The following TJP2 variants were observed in gnomAD, a reference collection of about 807,000 sequenced individuals.
The protein encoded by TJP2 is tight junction protein 2.
TJP2 carries 91 observed loss-of-function variants against 133.1 expected under a neutral mutation model. The ratio of observed to expected loss-of-function variants is 0.68; its 90% CI spans 0.58 to 0.81. TJP2 has a LOEUF of 0.81. Ranked by LOEUF, TJP2 falls within the 40% of genes least tolerant of loss-of-function variation. TJP2 has a pLI of 0.00. For missense variants in TJP2, 1,541 were observed against 1,565.6 expected (o/e 0.98, Z 0.26); for synonymous variants, 592 against 583.4 (o/e 1.01, Z -0.21).
At chr9:69,167,069 C>T (rs1037359391) in intron 2 of TJP2, among the ~76,000 whole-genome samples, 78 of 150,580 alleles carry the variant, frequency 5.2e-4, no homozygotes, top group African/African-American at 1.7e-3. Flanking sequence ...CCCGTCTCTA[C>T]GAAAAAAAAA....
rs765987734 is a variant in TJP2, at chr9:69,254,337, A to C, written c.3536A>C (p.Tyr1179Ser). The C allele has an allele frequency of 8.7e-6, 14 of 1,614,120 alleles. No homozygotes were observed. In the Admixed American group the frequency reaches 2.3e-4, roughly 27 times the overall value. ...QLSEHSKRGY[Y>S]GQSARYRDTE... ...TCAGAACACTCCAAGCGCGGTTACT[A>C]TGGCCAGTCTGCCCGATACCGGGAC... is the stretch of plus-strand genomic sequence containing the variant. Residue 1179 changes from tyrosine (Y) to serine (S), a missense_variant, in exon 23 of 23, where the codon TAT (tyrosine) becomes TCT (serine). Physicochemically the swap from Tyr to Ser is moderately radical, Grantham distance 144. Coordinates refer to ENST00000377245, the MANE Select transcript of TJP2 (RefSeq NM_004817.4).
chr9:69,223,112 C>T (rs1829034378), intron 5 of TJP2, among the ~76,000 whole-genome samples: 1 of 147,316 alleles, frequency 6.8e-6, no homozygotes, highest in Admixed American at 6.8e-5. Flanking sequence ...GGTGGGCCCT[C>T]AGAGTCTCTA....
chr9:69,203,607 A>ATTTTTTTTTTT lies in TJP2; in HGVS notation c.61-8927_61-8917dup, dbSNP rs754221310. On this transcript the variant is annotated intron_variant, in intron 1 of 22. Transcript: ENST00000377245. ...GCATGAGCCACGGTGCCCAGCCTGG[A>ATTTTTTTTTTT]TTTTTTTTTTTTTTTTTTTTTTTTG... Among the ~76,000 whole-genome samples, 399 of 67,816 alleles carry ATTTTTTTTTTT rather than the reference A, an allele frequency of 5.9e-3. 66 individuals are homozygous for ATTTTTTTTTTT. Among genetic ancestry groups the ATTTTTTTTTTT allele is most frequent in the East Asian group, 0.023 (35 of 1,552 alleles). 44.5% of individuals were successfully genotyped at this position (67,816 alleles called of 152,430 possible).
At chr9:69,141,431 G>A (rs1823013855) in intron 1 of TJP2, among the ~76,000 whole-genome samples, 1 of 151,884 alleles carries the variant, frequency 6.6e-6, no homozygotes. Context: ...TCCAGCCCTT[G>A]GGTCCCTGTA....
At chr9:69,193,880 T>A (rs1826374525) in intron 1 of TJP2, among the ~76,000 whole-genome samples, 1 of 152,010 alleles carries the variant, frequency 6.6e-6, no homozygotes, top group East Asian at 1.9e-4. Context: ...ATTGTTTCTT[T>A]TTGTCTGTTG....
rs767407021 is a variant in TJP2, at chr9:69,254,378, T to C, written c.*4T>C. On this transcript the variant is annotated 3_prime_UTR_variant, in exon 23 of 23. Coordinates refer to ENST00000377245, the MANE Select transcript of TJP2 (RefSeq NM_004817.4). ...ATACCGGGACACAGAATTATAGATG[T>C]CTGAGCACGGACTCTCCCAGGCCTG... 11 of 1,614,016 alleles carry C rather than the reference T, an allele frequency of 6.8e-6. No homozygotes were observed. In the East Asian group the frequency reaches 2.2e-4, roughly 33 times the overall value.
rs375534782 is a variant in TJP2 at position 69,237,814 on chromosome 9, T to G, written c.2180-64T>G. On this transcript the variant is annotated intron_variant, in intron 14 of 22. Transcript: ENST00000377245. Reference sequence around the variant, plus strand: ...TGTTATCAAAAGCCCATACAATACTTTTACTGCTTATCATAACAGCTAGGC... The same window carrying G: ...TGTTATCAAAAGCCCATACAATACTGTTACTGCTTATCATAACAGCTAGGC... 5.0e-5 allele frequency: 60 copies of G among 1,193,894 alleles called. 2 individuals are homozygous for G. Among genetic ancestry groups the G allele is most frequent in the African/African-American group, 4.2e-4 (28 of 66,820 alleles). 74.0% of individuals were successfully genotyped at this position (1,193,894 alleles called of 1,614,324 possible). A position where few individuals can be genotyped will look rare whatever the true frequency, so the allele number is the denominator to read the frequency against.
intron 2 of TJP2, among the ~76,000 whole-genome samples, chr9:69,167,847 A>T (rs1824439817): frequency 6.8e-6 from 1 of 147,656 alleles, no homozygotes; most frequent in Non-Finnish European, 1.5e-5. Flanking sequence ...CAGCCTGGGC[A>T]AGAGAGCGAG....
At chr9:69,181,340 C>CT (rs1166357716) in intron 1 of TJP2, among the ~76,000 whole-genome samples, 1 of 144,054 alleles carries the variant, frequency 6.9e-6, no homozygotes, top group African/African-American at 2.6e-5. Flanking sequence ...CGTCTGCCTC[C>CT]TAGGTTCAAG....
chr9:69,172,388 C>G (rs1017080706), upstream of TJP2, among the ~76,000 whole-genome samples: 4 of 152,224 alleles, frequency 2.6e-5, no homozygotes, highest in African/African-American at 9.6e-5. Flanking sequence ...TCTATATTTG[C>G]ACTGTCCAAT....
chr9:69,208,820 A>C (rs903429687), intron 1 of TJP2, among the ~76,000 whole-genome samples: 1 of 151,884 alleles, frequency 6.6e-6, no homozygotes, highest in Admixed American at 6.6e-5. Flanking sequence ...ATGTCATGTA[A>C]TTTTTTTTCC....
At position 69,214,585 on chromosome 9, in the gene TJP2, C is replaced by T. The variant is rs147449015; in HGVS notation, c.115-1754C>T. On this transcript the variant is annotated intron_variant, in intron 2 of 22. Coordinates refer to ENST00000377245, the MANE Select transcript of TJP2 (RefSeq NM_004817.4). ...AAATTTTATCTTTAAAATCCAGTTA[C>T]GGGCCGGGCGCAGTAGCTCACGCCT... Among the ~76,000 whole-genome samples, 12 of 152,172 alleles carry T rather than the reference C, an allele frequency of 7.9e-5. No homozygotes were observed. In the East Asian group the frequency reaches 1.2e-3, roughly 15 times the overall value.
rs80209900 is a variant in TJP2, at chr9:69,161,638, G to A, written c.-10+9867G>A. Among the ~76,000 whole-genome samples the A allele has an allele frequency of 6.2e-4, 94 of 152,096 alleles. 3 individuals are homozygous for A. In the East Asian group the frequency reaches 0.018, roughly 29 times the overall value. On this transcript the variant is annotated intron_variant, in intron 2 of 5. Transcript: ENST00000423935. Reference sequence around the variant, plus strand: ...TAGGAATGACATAGCTGTCAATCTTGGGGTAACATGAGCTGAGCACTATTA... The same window carrying A: ...TAGGAATGACATAGCTGTCAATCTTAGGGTAACATGAGCTGAGCACTATTA...
chr9:69,229,029 A>T (rs1287833843), intron 9 of TJP2, among the ~76,000 whole-genome samples, 155 bp from the exon 10 acceptor site: 1 of 152,238 alleles, frequency 6.6e-6, no homozygotes, highest in Non-Finnish European at 1.5e-5. Context: ...ACCTGCTAAT[A>T]CTTCAGAGTT....
intron 1 of TJP2, among the ~76,000 whole-genome samples, chr9:69,178,855 G>C (rs936652786): frequency 6.6e-6 from 1 of 152,202 alleles, no homozygotes; most frequent in African/African-American, 2.4e-5. Flanking sequence ...GTATTATCAA[G>C]TGACTCTTGC....
chr9:69,164,561 C>T (rs1209197364), intron 2 of TJP2, among the ~76,000 whole-genome samples: 3 of 152,136 alleles, frequency 2.0e-5, no homozygotes, highest in Non-Finnish European at 2.9e-5. Flanking sequence ...GGAGTCAAAT[C>T]GCATTTGTGG....
At position 69,239,922 on chromosome 9, in the gene TJP2, C is replaced by G. The variant is rs771969290; in HGVS notation, c.2356-15C>G. On this transcript the variant is annotated splice_polypyrimidine_tract_variant and intron_variant, in intron 16 of 22. Transcript: ENST00000377245. ...TATATATCCATTTCTCTAACTTTTC[C>G]CCTTTTGTAAACAGGATAAGCATGC... 1.2e-6 allele frequency: 2 copies of G among 1,609,434 alleles called. No homozygotes were observed. Among genetic ancestry groups the G allele is most frequent in the Non-Finnish European group, 1.7e-6 (2 of 1,175,886 alleles).
rs143733191 is a variant in TJP2, at chr9:69,184,476, G to A, written c.60+10044G>A. Among the ~76,000 whole-genome samples the A allele has an allele frequency of 2.4e-4, 36 of 152,292 alleles. No individual in the cohort carries two copies. In the East Asian group the frequency reaches 7.0e-3, roughly 29 times the overall value. Reference sequence around the variant, plus strand: ...AATCCAACTTTTGCCTGCTACTGCTGCTGTCTGTAGGAAGAAGAAAAACAA... The same window carrying A: ...AATCCAACTTTTGCCTGCTACTGCTACTGTCTGTAGGAAGAAGAAAAACAA... On this transcript the variant is annotated intron_variant, in intron 1 of 22. Coordinates refer to ENST00000377245, the MANE Select transcript of TJP2 (RefSeq NM_004817.4).
intron 1 of TJP2, among the ~76,000 whole-genome samples, chr9:69,177,685 C>G (rs1199662054): frequency 2.0e-5 from 3 of 151,318 alleles, no homozygotes; most frequent in African/African-American, 7.3e-5. Context: ...TGCTCTGTTG[C>G]CCAGGCTGAA....
Sources: gnomAD v4.1 joint callset for allele counts (sites outside exome capture counted in the v4.1 genomes callset) on GRCh38, gnomAD v4.1.1 for gene constraint, MANE v1.5 for transcripts, NCBI Gene and HGNC (gene_info 2026-07-23, HGNC 2026-07-21) for gene names.